Variants in KIZ observed in about 807,000 individuals in gnomAD.
KIZ encodes the protein kizuna centrosomal protein, also known as centrosomal protein kizuna.
KIZ carries 68 observed loss-of-function variants against 79.6 expected under a neutral mutation model. The ratio of observed to expected loss-of-function variants is 0.85; its 90% CI spans 0.70 to 1.05. The LOEUF is 1.05. KIZ is among the 50% of genes least tolerant of loss of function. The pLI is 0.00. For missense variants in KIZ, 797 were observed against 800.4 expected (o/e 1.00, Z 0.05); for synonymous variants, 280 against 281.8 (o/e 0.99, Z 0.06).
intron 9 of KIZ, among the ~76,000 whole-genome samples, chr20:21,221,544 T>C (rs1393674276): frequency 1.3e-5 from 2 of 152,222 alleles, no homozygotes; most frequent in Admixed American, 1.3e-4. Context: ...ATTCAGACTC[T>C]CATTCTTTTG....
intron 3 of KIZ, among the ~76,000 whole-genome samples, chr20:21,142,051 C>T (rs536517297): frequency 6.6e-6 from 1 of 151,654 alleles, no homozygotes; most frequent in South Asian, 2.1e-4. Flanking sequence ...CCATATCTTC[C>T]CACTGTCTCT....
At chr20:21,142,060 C>T (rs1288198680) in intron 3 of KIZ, among the ~76,000 whole-genome samples, 1 of 151,522 alleles carries the variant, frequency 6.6e-6, no homozygotes, top group Non-Finnish European at 1.5e-5. Context: ...CCCACTGTCT[C>T]TCTACATCTT....
intron 4 of KIZ, among the ~76,000 whole-genome samples, chr20:21,157,434 AG>A (rs1309156704): frequency 6.6e-6 from 1 of 152,204 alleles, no homozygotes; most frequent in Non-Finnish European, 1.5e-5. Context: ...ATTGCAAAAC[AG>A]TTAATAACTA....
chr20:21,159,313 A>G (rs1045668389), intron 4 of KIZ, among the ~76,000 whole-genome samples: 2 of 152,114 alleles, frequency 1.3e-5, no homozygotes, highest in African/African-American at 2.4e-5. Flanking sequence ...GATTAGCTGC[A>G]TAACTTAATT....
chr20:21,210,810 A>T (rs1054599709), intron 7 of KIZ, among the ~76,000 whole-genome samples: 4 of 151,342 alleles, frequency 2.6e-5, no homozygotes, highest in Non-Finnish European at 5.9e-5. Context: ...ATGACATCCA[A>T]TTTTTTTTGT....
At chr20:21,235,720 G>A (rs2036983066) in intron 11 of KIZ, among the ~76,000 whole-genome samples, 1 of 152,230 alleles carries the variant, frequency 6.6e-6, no homozygotes, top group Non-Finnish European at 1.5e-5. Flanking sequence ...AGGAAAGGGT[G>A]TGTGCTTGCA....
At chr20:21,183,275 A>G (rs189574932) in intron 6 of KIZ, among the ~76,000 whole-genome samples, 40 of 152,342 alleles carry the variant, frequency 2.6e-4, no homozygotes, top group African/African-American at 8.9e-4. Flanking sequence ...AATTAAGACC[A>G]TCTTTCAGAA....
chr20:21,171,762 C>A (rs558250486), intron 6 of KIZ, among the ~76,000 whole-genome samples: 1 of 152,078 alleles, frequency 6.6e-6, no homozygotes, highest in Non-Finnish European at 1.5e-5. Flanking sequence ...ATATGACTTT[C>A]GAGGTTGAGT....
chr20:21,244,371 T>C, intron 12 of KIZ, 83 bp downstream of exon 12: 1 of 956,084 alleles, frequency 1.0e-6, no homozygotes, highest in Non-Finnish European at 1.7e-6. Context: ...GTTTGCACCC[T>C]CATGTGAGTC....
chr20:21,161,083 A>T (rs1436843586), intron 4 of KIZ: 1 of 152,234 alleles, frequency 6.6e-6, no homozygotes, highest in Non-Finnish European at 1.5e-5. Context: ...TCTAATGAAT[A>T]ATGATATTAA....
intron 9 of KIZ, among the ~76,000 whole-genome samples, chr20:21,222,045 T>C (rs888185770): frequency 3.3e-5 from 5 of 152,242 alleles, no homozygotes; most frequent in African/African-American, 4.8e-5. Context: ...CCATTGAAAG[T>C]CCACGTGGCC....
chr20:21,178,009 G>A (rs567025299), intron 6 of KIZ, among the ~76,000 whole-genome samples: 7 of 152,178 alleles, frequency 4.6e-5, no homozygotes, highest in African/African-American at 7.2e-5. Context: ...AAATCAGGAC[G>A]TGTGATGCCT....
chr20:21,142,170 T>C (rs372395840), intron 3 of KIZ, among the ~76,000 whole-genome samples: 212 of 152,200 alleles, frequency 1.4e-3, no homozygotes, highest in Non-Finnish European at 2.3e-3. Context: ...ACAATTTGCA[T>C]TTCCTTGAAA....
rs1318454665 is a variant in KIZ, at chr20:21,169,023, G to A, written c.1352+5864G>A. 2.0e-5 allele frequency among the ~76,000 whole-genome samples: 3 copies of A among 152,262 alleles called. No homozygotes were observed. In the East Asian group the frequency reaches 5.8e-4, roughly 29 times the overall value. ...AATACCATTCAGGCCATAGGCATGG[G>A]CAAGGACTTCATGTCTAAAACACCA... On this transcript the variant is annotated intron_variant, in intron 6 of 12. Coordinates refer to ENST00000619189, the MANE Select transcript of KIZ (RefSeq NM_018474.6).
At chr20:21,164,000 G>A (rs1227784260) in intron 6 of KIZ, among the ~76,000 whole-genome samples, 1 of 152,114 alleles carries the variant, frequency 6.6e-6, no homozygotes, top group African/African-American at 2.4e-5. Context: ...ACGAAGGCCG[G>A]GGCAGAGTGG....
chr20:21,163,739 A>G (rs1337650992), intron 6 of KIZ, among the ~76,000 whole-genome samples: 1 of 152,244 alleles, frequency 6.6e-6, no homozygotes, highest in African/African-American at 2.4e-5. Flanking sequence ...TGGGAACATC[A>G]GCATTATACA....
At chr20:21,188,676 T>TTTTA (rs149324316) in intron 6 of KIZ, among the ~76,000 whole-genome samples, 17,488 of 141,778 alleles carry the variant, frequency 0.12, 1,175 homozygotes, top group Middle Eastern at 0.18. Context: ...TTGCATTTTA[T>TTTTA]TTTATTTATT....
chr20:21,189,340 A>G lies in KIZ; in HGVS notation c.1353-16151A>G, dbSNP rs545824683. ...AAGGGGTTAAGTTTGGGATCCATAG[A>G]ATTACCAAAGAGAGAATGCTATTCA... On this transcript the variant is annotated intron_variant, in intron 6 of 12. Transcript: ENST00000619189. Among the ~76,000 whole-genome samples, 3 of 152,280 alleles carry G rather than the reference A, an allele frequency of 2.0e-5. No homozygotes were observed. In the South Asian group the frequency reaches 6.2e-4, roughly 32 times the overall value.
chr20:21,227,148 C>T (rs1416172178), intron 9 of KIZ, among the ~76,000 whole-genome samples: 1 of 152,190 alleles, frequency 6.6e-6, no homozygotes, highest in Non-Finnish European at 1.5e-5. Flanking sequence ...ATACTATCAG[C>T]CCTTCTCCTG....
Sources: allele counts gnomAD v4.1 joint callset (sites outside exome capture counted in the v4.1 genomes callset), GRCh38; gene constraint gnomAD v4.1.1; transcripts MANE v1.5; gene names NCBI Gene and HGNC (gene_info 2026-07-23, HGNC 2026-07-21).